The following NCAM2 variants were observed in gnomAD, a reference collection of about 807,000 sequenced individuals.
The protein encoded by NCAM2 is N-CAM-2.
NCAM2 carries 30 observed loss-of-function variants against 98.1 expected under a neutral mutation model. The ratio of observed to expected loss-of-function variants is 0.31; its 90% CI spans 0.23 to 0.41. NCAM2 has a LOEUF of 0.41. NCAM2 is among the 10% of genes least tolerant of loss of function. The pLI is 1.00. For missense variants in NCAM2, 867 were observed against 1,005.8 expected, an observed-to-expected ratio of 0.86 and a Z score of 1.87; for synonymous variants, 368 against 342.4, an observed-to-expected ratio of 1.07 and a Z score of -0.83.
intron 8 of NCAM2, among the ~76,000 whole-genome samples, chr21:21,345,024 T>A (rs931873873): frequency 6.6e-6 from 1 of 152,126 alleles, no homozygotes; most frequent in Non-Finnish European, 1.5e-5. Context: ...TCCAAGACTA[T>A]CAAGGCATTA....
rs1985310633 is a variant in NCAM2 at position 21,477,432 on chromosome 21, T to A, written c.2038T>A (p.Tyr680Asn). 6.2e-7 allele frequency: 1 copy of A among 1,607,846 alleles called. No homozygotes were observed. The highest frequency in any genetic ancestry group is 8.5e-7 in the Non-Finnish European group (1 of 1,175,966). ...NRLGYSEPTV[Y>N]EFSMPPKPNI... ...ATTGGGATATTCTGAACCGACAGTT[T>A]ATGAATTCAGCATGCCACCAAAGCC... Residue 680 changes from tyrosine (Y) to asparagine (N), a missense_variant, in exon 15 of 18, where the codon TAT becomes AAT. Physicochemically the swap from Tyr to Asn is moderately radical, Grantham distance 143. Around this residue, in one of 5 missense-constraint regions of NCAM2, gnomAD observed 234 missense variants for 333.8 expected, o/e 0.70. Transcript: ENST00000400546.
At chr21:21,447,505 C>T (rs917955761) in intron 12 of NCAM2, among the ~76,000 whole-genome samples, 4 of 151,922 alleles carry the variant, frequency 2.6e-5, no homozygotes, top group Admixed American at 6.6e-5. Context: ...AACTTCATGA[C>T]GAAAAGCCAA....
chr21:21,012,476 A>T (rs1185630356), intron 1 of NCAM2, among the ~76,000 whole-genome samples: 1 of 152,106 alleles, frequency 6.6e-6, no homozygotes, highest in Non-Finnish European at 1.5e-5. Flanking sequence ...CAAATTCAAA[A>T]TGGCTTAAAA....
At chr21:21,465,065 C>T (rs1199827922) in intron 12 of NCAM2, among the ~76,000 whole-genome samples, 3 of 151,920 alleles carry the variant, frequency 2.0e-5, no homozygotes, top group Admixed American at 6.6e-5. Context: ...TTGAGAAATA[C>T]GAAAGTAAAT....
intron 11 of NCAM2, among the ~76,000 whole-genome samples, chr21:21,428,755 C>T (rs1023283501): frequency 6.6e-6 from 1 of 152,076 alleles, no homozygotes; most frequent in African/African-American, 2.4e-5. Flanking sequence ...ACAGAAAAAT[C>T]CAGAAAGTGA....
At chr21:21,319,908 G>A (rs976030821) in intron 5 of NCAM2, among the ~76,000 whole-genome samples, 15 of 152,122 alleles carry the variant, frequency 9.9e-5, no homozygotes, top group African/African-American at 3.6e-4. Context: ...TGATTAAACT[G>A]CTGATTCCTC....
At chr21:21,482,349 A>T in intron 15 of NCAM2, among the ~76,000 whole-genome samples, 1 of 152,134 alleles carries the variant, frequency 6.6e-6, no homozygotes, top group East Asian at 1.9e-4. Flanking sequence ...TTTATTTTTC[A>T]TTTTAAAATG....
At chr21:21,501,806 G>A (rs898183420) in intron 15 of NCAM2, among the ~76,000 whole-genome samples, 2 of 151,864 alleles carry the variant, frequency 1.3e-5, no homozygotes, top group African/African-American at 4.8e-5. Flanking sequence ...TTGAGAAATT[G>A]CCCTTTAAGT....
chr21:21,460,787 G>A (rs550170938), intron 12 of NCAM2, among the ~76,000 whole-genome samples: 1 of 152,018 alleles, frequency 6.6e-6, no homozygotes, highest in Admixed American at 6.6e-5. Context: ...ATACAATAAT[G>A]AGGGTGTGAT....
intron 1 of NCAM2, among the ~76,000 whole-genome samples, chr21:21,007,394 G>A (rs2064131517): frequency 6.6e-6 from 1 of 152,156 alleles, no homozygotes; most frequent in Non-Finnish European, 1.5e-5. Flanking sequence ...ATAGAGTAAA[G>A]TGAAAGCAAC....
At chr21:21,090,476 G>A (rs2013010386) in intron 1 of NCAM2, among the ~76,000 whole-genome samples, 1 of 152,102 alleles carries the variant, frequency 6.6e-6, no homozygotes, top group Admixed American at 6.6e-5. Flanking sequence ...CAAAACTCTT[G>A]ATGATAAAAA....
At chr21:21,080,995 G>T (rs993476393) in intron 1 of NCAM2, among the ~76,000 whole-genome samples, 1 of 152,152 alleles carries the variant, frequency 6.6e-6, no homozygotes, top group African/African-American at 2.4e-5. Context: ...GAGAGATCAA[G>T]TGCACGGTTT....
chr21:21,195,537 C>G (rs572746596), intron 1 of NCAM2, among the ~76,000 whole-genome samples: 7 of 152,106 alleles, frequency 4.6e-5, no homozygotes, highest in African/African-American at 1.7e-4. Flanking sequence ...GGAAATCATC[C>G]CAAGGGCATA....
intron 1 of NCAM2, among the ~76,000 whole-genome samples, chr21:21,256,499 T>G (rs2071678656): frequency 6.6e-6 from 1 of 152,224 alleles, no homozygotes; most frequent in Admixed American, 6.5e-5. Flanking sequence ...GATGGACTGT[T>G]CATATGTTCT....
At chr21:21,159,625 G>T (rs1273900110) in intron 1 of NCAM2, among the ~76,000 whole-genome samples, 2 of 152,080 alleles carry the variant, frequency 1.3e-5, no homozygotes, top group Non-Finnish European at 2.9e-5. Context: ...ATACCATATA[G>T]GCTAGGTGTG....
chr21:21,141,785 A>G (rs924902456), intron 1 of NCAM2, among the ~76,000 whole-genome samples: 1 of 152,148 alleles, frequency 6.6e-6, no homozygotes, highest in African/African-American at 2.4e-5. Context: ...CTGTATATCT[A>G]CTGCCCTGGA....
intron 1 of NCAM2, among the ~76,000 whole-genome samples, chr21:21,081,470 G>A (rs1182970675): frequency 6.6e-6 from 1 of 152,042 alleles, no homozygotes; most frequent in African/African-American, 2.4e-5. Context: ...TTCCTGACTA[G>A]CTACCTACTG....
At chr21:21,285,882 G>T (rs933473570) in intron 3 of NCAM2, among the ~76,000 whole-genome samples, 1 of 151,898 alleles carries the variant, frequency 6.6e-6, no homozygotes, top group Non-Finnish European at 1.5e-5. Flanking sequence ...TTTTATATAG[G>T]CAGGTTGGAT....
intron 1 of NCAM2, among the ~76,000 whole-genome samples, chr21:21,069,140 T>A (rs1473234841): frequency 1.3e-5 from 2 of 151,818 alleles, no homozygotes; most frequent in African/African-American, 4.8e-5. Context: ...CTCTGGAGAG[T>A]TTTTCATACA....
Sources: allele counts gnomAD v4.1 joint callset (sites outside exome capture counted in the v4.1 genomes callset), GRCh38; gene constraint gnomAD v4.1.1; regional missense constraint gnomAD v4.1.1; transcripts MANE v1.5; gene names NCBI Gene and HGNC (gene_info 2026-07-23, HGNC 2026-07-21).